Variants in SH3RF3 observed in about 807,000 individuals in gnomAD.
SH3RF3 encodes the protein SH3 domain containing ring finger 3.
A neutral mutation model predicts 66.3 loss-of-function variants in SH3RF3; 29 were observed. The observed-to-expected ratio is 0.44, with a 90% CI of 0.33 to 0.60. SH3RF3 has a LOEUF of 0.60. Ranked by LOEUF, SH3RF3 falls within the 20% of genes least tolerant of loss-of-function variation. SH3RF3 has a pLI of 0.04. For missense variants in SH3RF3, 1,194 were observed against 1,190.9 expected, an observed-to-expected ratio of 1.00 and a Z score of -0.04; for synonymous variants, 583 against 532.0, an observed-to-expected ratio of 1.10 and a Z score of -1.32.
At chr2:109,204,339 T>C (rs561865749) in intron 1 of SH3RF3, among the ~76,000 whole-genome samples, 1 of 152,256 alleles carries the variant, frequency 6.6e-6, no homozygotes, top group Non-Finnish European at 1.5e-5. Flanking sequence ...TTATCTCACC[T>C]AAGAGAGTTA....
chr2:109,390,192 T>C (rs1263697329), intron 3 of SH3RF3, among the ~76,000 whole-genome samples: 2 of 152,222 alleles, frequency 1.3e-5, no homozygotes, highest in Admixed American at 1.3e-4. Context: ...GTGGCAGTTC[T>C]TGGAGAAAGT....
At chr2:109,324,821 A>G (rs960538996) in intron 1 of SH3RF3, among the ~76,000 whole-genome samples, 8 of 152,216 alleles carry the variant, frequency 5.3e-5, no homozygotes, top group African/African-American at 1.9e-4. Flanking sequence ...CTCCAAGGAC[A>G]GTACTCTCCG....
intron 5 of SH3RF3, among the ~76,000 whole-genome samples, chr2:109,420,145 G>T (rs186406879): frequency 6.6e-6 from 1 of 152,360 alleles, no homozygotes; most frequent in African/African-American, 2.4e-5. Context: ...GTGCTAGGAA[G>T]TGAGATGTTT....
At chr2:109,317,588 A>G (rs562305813) in intron 1 of SH3RF3, among the ~76,000 whole-genome samples, 191 of 152,244 alleles carry the variant, frequency 1.3e-3, no homozygotes, top group African/African-American at 4.4e-3. Flanking sequence ...TGAGGTACAG[A>G]ACAGTCAAAG....
In SH3RF3 at chr2:109,387,827, T is replaced by A. The variant is rs142062216; in HGVS notation, c.946-10763T>A. Reference sequence around the variant, plus strand: ...CCTGCAGTAGGTGCCCAATTCCACCTTCTTCTTCCAAAGCAACAGCCCCAG... The same window carrying A: ...CCTGCAGTAGGTGCCCAATTCCACCATCTTCTTCCAAAGCAACAGCCCCAG... On this transcript the variant is annotated intron_variant, in intron 3 of 9. Coordinates refer to ENST00000309415, the MANE Select transcript of SH3RF3 (RefSeq NM_001099289.3). Among the ~76,000 whole-genome samples the A allele has an allele frequency of 6.5e-3, 993 of 151,982 alleles. 10 individuals carry two copies. The highest frequency in any genetic ancestry group is 0.052 in the East Asian group (271 of 5,172).
chr2:109,377,971 C>T (rs556686197), intron 3 of SH3RF3, among the ~76,000 whole-genome samples: 28 of 152,358 alleles, frequency 1.8e-4, no homozygotes, highest in Admixed American at 5.9e-4. Flanking sequence ...GTGCACACTC[C>T]GCGTTCTGCA....
intron 5 of SH3RF3, among the ~76,000 whole-genome samples, chr2:109,431,988 T>A (rs1375304819): frequency 6.6e-6 from 1 of 152,156 alleles, no homozygotes; most frequent in Admixed American, 6.5e-5. Flanking sequence ...CTCTTCCACC[T>A]CTGGTTGATT....
At chr2:109,342,686 A>G (rs375270192) in intron 1 of SH3RF3, among the ~76,000 whole-genome samples, 2 of 152,170 alleles carry the variant, frequency 1.3e-5, no homozygotes, top group African/African-American at 4.8e-5. Context: ...GAGAGTCCCA[A>G]CCAGGGGTGT....
chr2:109,451,941 T>C (rs1446305631), intron 8 of SH3RF3, among the ~76,000 whole-genome samples: 1 of 152,232 alleles, frequency 6.6e-6, no homozygotes, highest in African/African-American at 2.4e-5. Flanking sequence ...TGAGGCCCTC[T>C]GAGCTTATGT....
intron 2 of SH3RF3, among the ~76,000 whole-genome samples, chr2:109,367,431 G>A (rs1451104436): frequency 2.6e-5 from 4 of 151,950 alleles, no homozygotes; most frequent in Non-Finnish European, 2.9e-5. Context: ...ACAGGCACAC[G>A]GCCTCATGCC....
intron 1 of SH3RF3, among the ~76,000 whole-genome samples, chr2:109,194,036 C>T (rs1312342177): frequency 2.0e-5 from 3 of 152,210 alleles, no homozygotes; most frequent in Non-Finnish European, 4.4e-5. Flanking sequence ...ACAGTCTGTT[C>T]TGCCTGTGTG....
intron 1 of SH3RF3, among the ~76,000 whole-genome samples, chr2:109,189,397 G>T (rs1159026332): frequency 1.3e-5 from 2 of 150,894 alleles, no homozygotes; most frequent in African/African-American, 4.9e-5. Context: ...TTTTGAGACG[G>T]AGTCTCTGTC....
chr2:109,297,183 A>AG lies in SH3RF3; in HGVS notation c.574-50485dup, dbSNP rs542846232. 4.8e-3 allele frequency among the ~76,000 whole-genome samples: 729 copies of AG among 152,072 alleles called. 3 individuals are homozygous for AG. Among genetic ancestry groups the AG allele is most frequent in the African/African-American group, 0.017 (701 of 41,462 alleles). On this transcript the variant is annotated intron_variant, in intron 1 of 9. Coordinates refer to ENST00000309415, the MANE Select transcript of SH3RF3 (RefSeq NM_001099289.3). The stretch of plus-strand genomic sequence containing the variant: ...ACAGCAGAGAGAGCAGGGCCTCTGC[A>AG]GGGGGGTGAGTTCCCCAAGAAGACC...
In SH3RF3 at chr2:109,130,118, G is replaced by A. The variant is rs1271468538; in HGVS notation, c.573+5G>A. On this transcript the variant is annotated splice_donor_5th_base_variant and intron_variant, in intron 1 of 9. Coordinates refer to ENST00000309415, the MANE Select transcript of SH3RF3 (RefSeq NM_001099289.3). ...AGGACCGCGCCGGCGGCAAAGGTGAGTATCTGTCTCGGCGGAAGTGGCCAC... is the reference window on the plus strand; with the variant it reads ...AGGACCGCGCCGGCGGCAAAGGTGAATATCTGTCTCGGCGGAAGTGGCCAC... 1.4e-5 allele frequency: 18 copies of A among 1,302,008 alleles called. No homozygotes were observed. The highest frequency in any genetic ancestry group is 1.7e-5 in the Non-Finnish European group (17 of 1,028,676). 80.7% of individuals were successfully genotyped at this position (1,302,008 alleles called of 1,614,324 possible).
rs534726596 is a variant in SH3RF3 at position 109,419,919 on chromosome 2, C to T, written c.1403+277C>T. Among the ~76,000 whole-genome samples the T allele has an allele frequency of 2.0e-5, 3 of 152,292 alleles. No homozygotes were observed. The East Asian group carries it at 5.8e-4, about 29-fold the overall frequency. On this transcript the variant is annotated intron_variant, in intron 5 of 9. Coordinates refer to ENST00000309415, the MANE Select transcript of SH3RF3 (RefSeq NM_001099289.3). ...TCCCAGTCAACAGGAGAGGAGCCAG[C>T]CATAGTGTGGAGCAAGCTCTCCATA...
At chr2:109,385,134 TCAGA>T (rs951262258) in intron 3 of SH3RF3, among the ~76,000 whole-genome samples, 21 of 152,334 alleles carry the variant, frequency 1.4e-4, no homozygotes, top group Admixed American at 5.2e-4. Flanking sequence ...CACGTTGGCA[TCAGA>T]CAGTCGAGCA....
chr2:109,450,024 C>A (rs970069516), intron 8 of SH3RF3, among the ~76,000 whole-genome samples: 1 of 152,112 alleles, frequency 6.6e-6, no homozygotes, highest in Non-Finnish European at 1.5e-5. Context: ...TTTAGCTATT[C>A]TTTTAGCCAT....
intron 1 of SH3RF3, among the ~76,000 whole-genome samples, chr2:109,288,117 CA>C (rs1681078711): frequency 1.3e-5 from 2 of 152,186 alleles, no homozygotes; most frequent in Non-Finnish European, 2.9e-5. Flanking sequence ...GCCCACAAGA[CA>C]AGGCTATCAG....
intron 8 of SH3RF3, among the ~76,000 whole-genome samples, chr2:109,490,139 C>T (rs1443413571): frequency 6.6e-6 from 1 of 152,210 alleles, no homozygotes; most frequent in African/African-American, 2.4e-5. Context: ...GGTCTCTCAC[C>T]CTTCTACCCA....
Sources: allele counts gnomAD v4.1 joint callset (sites outside exome capture counted in the v4.1 genomes callset), GRCh38; gene constraint gnomAD v4.1.1; transcripts MANE v1.5; gene names NCBI Gene and HGNC (gene_info 2026-07-23, HGNC 2026-07-21).